The following TRIO variants were observed in gnomAD, a reference collection of about 807,000 sequenced individuals.
TRIO encodes the protein trio Rho guanine nucleotide exchange factor, also known as triple functional domain protein.
In TRIO, 58 loss-of-function variants were observed where a neutral mutation model predicts 351.9. That is an observed-to-expected ratio of 0.16 (90% CI 0.13 to 0.21). The LOEUF is 0.21. Ranked by LOEUF, TRIO falls within the 10% of genes least tolerant of loss-of-function variation. The probability of loss-of-function intolerance (pLI) is 1.00; values close to 1 mark genes in which losing one functional copy is unlikely to be tolerated. For missense variants in TRIO, 3,201 were observed against 4,027.8 expected, an observed-to-expected ratio of 0.79 and a Z score of 5.56; for synonymous variants, 1,758 against 1,595.7, an observed-to-expected ratio of 1.10 and a Z score of -2.42.
At chr5:14,358,096 A>C in intron 11 of TRIO, 82 bp from the exon 12 acceptor site, 1 of 1,495,006 alleles carries the variant, frequency 6.7e-7, no homozygotes, top group South Asian at 1.3e-5. Context: ...CACCGTCTCC[A>C]CTGGGGCCCC....
intron 53 of TRIO, among the ~76,000 whole-genome samples, chr5:14,500,888 C>CAAAAAA (rs34729667): frequency 1.6e-5 from 1 of 63,566 alleles, no homozygotes; most frequent in Non-Finnish European, 2.8e-5. Context: ...GACTCTGCCT[C>CAAAAAA]AAAAAAAAAA....
Position 14,270,858 on chromosome 5 carries a change from AT to A in TRIO, c.192del (p.Asp64GlufsTer6). Reference sequence around the variant, plus strand: ...AAAAACGATGAAATGAAAGCTATGGATGTTTTACCAATTTTGAAGGAAAAAG... The same window carrying A: ...AAAAACGATGAAATGAAAGCTATGGAGTTTTACCAATTTTGAAGGAAAAAG... ...FRKNDEMKAMDVLPILKEKVA... is the reference protein window; with the variant it reads ...FRKNDEMKAMXVLPILKEKVA... On this transcript the variant is annotated frameshift_variant, in exon 2 of 57. Transcript: ENST00000344204. LOFTEE classifies it high-confidence loss of function. 6.2e-7 allele frequency: 1 copy of A among 1,614,036 alleles called. No individual in the cohort carries two copies. Among genetic ancestry groups the A allele is most frequent in the Non-Finnish European group, 8.5e-7 (1 of 1,179,972 alleles).
Position 14,508,029 on chromosome 5 carries a change from C to T in TRIO, c.8901C>T (p.Asn2967=). 6.2e-7 allele frequency: 1 copy of T among 1,614,210 alleles called. No individual in the cohort carries two copies. Among genetic ancestry groups the T allele is most frequent in the Non-Finnish European group, 8.5e-7 (1 of 1,180,038 alleles). Reference sequence around the variant, plus strand: ...CAGCCCCTGAAATCATCCTCGGGAACCCTGTCTCCCTGACCTCGGATACGT... The same window carrying T: ...CAGCCCCTGAAATCATCCTCGGGAATCCTGTCTCCCTGACCTCGGATACGT... The part of the protein sequence containing the change: ...EFAAPEIILG[N]PVSLTSDTWS... The change falls in exon 57 of 57, where the codon AAC becomes AAT. Residue 2967 remains asparagine (N), a synonymous_variant. Coordinates refer to ENST00000344204, the MANE Select transcript of TRIO (RefSeq NM_007118.4).
intron 1 of TRIO, among the ~76,000 whole-genome samples, chr5:14,241,813 T>G (rs1328590178): frequency 1.3e-5 from 2 of 152,238 alleles, no homozygotes; most frequent in Non-Finnish European, 2.9e-5. Flanking sequence ...CCAGTTAGAT[T>G]AGCAGTACAG....
chr5:14,466,879 CTG>C (rs1450812486), intron 37 of TRIO, among the ~76,000 whole-genome samples: 2 of 152,210 alleles, frequency 1.3e-5, no homozygotes, highest in African/African-American at 4.8e-5. Context: ...TATTTAATAA[CTG>C]TATAGTATTC....
At chr5:14,484,323 GAAGTAAGTAAGGATAA>G (rs1755760231) in intron 46 of TRIO, among the ~76,000 whole-genome samples, 1 of 152,166 alleles carries the variant, frequency 6.6e-6, no homozygotes, top group East Asian at 1.9e-4. Flanking sequence ...TACTCCCTGG[GAAGTAAGTAAGGATAA>G]ATACTGAGGC....
chr5:14,473,961 T>G (rs1261018039), intron 39 of TRIO, 33 bp from the exon 40 acceptor site: 5 of 1,588,584 alleles, frequency 3.1e-6, no homozygotes, highest in Admixed American at 1.7e-5. Context: ...ACATATTCCA[T>G]GAAATACACT....
At chr5:14,272,654 G>A (rs1000282738) in intron 2 of TRIO, among the ~76,000 whole-genome samples, 1 of 152,126 alleles carries the variant, frequency 6.6e-6, no homozygotes, top group African/African-American at 2.4e-5. Context: ...AGTAGGAACT[G>A]TTTAAGATAT....
At chr5:14,386,324 G>C (rs370258029) in intron 21 of TRIO, among the ~76,000 whole-genome samples, 8 of 152,142 alleles carry the variant, frequency 5.3e-5, no homozygotes, top group African/African-American at 1.9e-4. Context: ...GGGTGCTGTT[G>C]GGTGGCTAGG....
chr5:14,420,486 C>A (rs1274700670), intron 34 of TRIO: 2 of 154,082 alleles, frequency 1.3e-5, no homozygotes, highest in Non-Finnish European at 2.9e-5. Flanking sequence ...TTTCTCAGGA[C>A]CTAAATGTGA....
rs536607122 is a variant in TRIO at position 14,221,695 on chromosome 5, A to C, written c.158-49130A>C. ...CCTGAAGATGGGACTGAATTACTGC[A>C]GTCTCGTGATTAAACTCCTCAGGGA... On this transcript the variant is annotated intron_variant, in intron 1 of 56. Transcript: ENST00000344204. Among the ~76,000 whole-genome samples, 35 of 152,368 alleles carry C rather than the reference A, an allele frequency of 2.3e-4. No homozygotes were observed. The South Asian group carries it at 7.0e-3, about 31-fold the overall frequency.
rs1482901881 is a variant in TRIO at position 14,487,659 on chromosome 5, C to G, written c.7031C>G (p.Pro2344Arg). 9.6e-6 allele frequency: 13 copies of G among 1,351,294 alleles called. No individual in the cohort carries two copies. In the South Asian group the frequency reaches 1.8e-4, roughly 18 times the overall value. 83.7% of individuals were successfully genotyped at this position (1,351,294 alleles called of 1,614,324 possible). Residue 2344 changes from proline (P) to arginine (R), a missense_variant, in exon 48 of 57, where the codon CCT (proline) becomes CGT (arginine). Pro to Arg is a moderately radical substitution (Grantham distance 103). This residue lies in a region of TRIO where 1,089 missense variants were observed against 954.9 expected (regional missense o/e 1.14). Coordinates refer to ENST00000344204, the MANE Select transcript of TRIO (RefSeq NM_007118.4). ...AGCCGGCCCTCCCGGATCCCCCAGCCTGTCCGACACCACCCCCCCGTGCTG... is the reference window on the plus strand; with the variant it reads ...AGCCGGCCCTCCCGGATCCCCCAGCGTGTCCGACACCACCCCCCCGTGCTG... ...SRSRPSRIPQ[P>R]VRHHPPVLVS...
At chr5:14,284,961 T>C (rs1736313932) in intron 3 of TRIO, among the ~76,000 whole-genome samples, 1 of 152,146 alleles carries the variant, frequency 6.6e-6, no homozygotes, top group South Asian at 2.1e-4. Context: ...TCCAGGGCCC[T>C]GGAGTTTCTG....
intron 4 of TRIO, among the ~76,000 whole-genome samples, chr5:14,290,407 T>C (rs1451988110): frequency 6.6e-6 from 1 of 152,230 alleles, no homozygotes; most frequent in African/African-American, 2.4e-5. Context: ...GTGTCTGTTA[T>C]AGTGGGTTAA....
At chr5:14,214,258 C>A (rs947205656) in intron 1 of TRIO, among the ~76,000 whole-genome samples, 1 of 152,138 alleles carries the variant, frequency 6.6e-6, no homozygotes, top group East Asian at 1.9e-4. Flanking sequence ...ATCCATAAGC[C>A]GTGGTGTTCA....
chr5:14,351,614 A>G (rs564944942), intron 11 of TRIO, among the ~76,000 whole-genome samples: 2 of 152,362 alleles, frequency 1.3e-5, no homozygotes, highest in South Asian at 4.1e-4. Flanking sequence ...CCGGCTTCCC[A>G]GTTAGAGAAG....
rs1463405330 is a variant in TRIO at position 14,412,012 on chromosome 5, G to T, written c.4959+5340G>T. Among the ~76,000 whole-genome samples, 63 of 148,756 alleles carry T rather than the reference G, an allele frequency of 4.2e-4. 1 individual carries two copies. Among genetic ancestry groups the T allele is most frequent in the African/African-American group, 1.5e-3 (60 of 40,152 alleles). ...CTTTCTTTTTTTTTTTTTTGAGATG[G>T]AGTCTTGCTCTGTCTCCCAGGCTGG... is the stretch of plus-strand genomic sequence containing the variant. On this transcript the variant is annotated intron_variant, in intron 33 of 56. Transcript: ENST00000344204.
At chr5:14,332,767 C>T (rs1444537255) in intron 10 of TRIO, among the ~76,000 whole-genome samples, 1 of 152,140 alleles carries the variant, frequency 6.6e-6, no homozygotes, top group Non-Finnish European at 1.5e-5. Context: ...TCTCTCGGAG[C>T]CTCGGTTTTC....
chr5:14,182,136 G>A (rs985751742), intron 1 of TRIO, among the ~76,000 whole-genome samples: 3 of 151,062 alleles, frequency 2.0e-5, no homozygotes, highest in Non-Finnish European at 4.4e-5. Context: ...CAGTAATGAC[G>A]TCTCTGAGCT....
Sources: gnomAD v4.1 joint callset for allele counts (sites outside exome capture counted in the v4.1 genomes callset) on GRCh38, gnomAD v4.1.1 for gene constraint, gnomAD v4.1.1 regional missense constraint, MANE v1.5 for transcripts, NCBI Gene and HGNC (gene_info 2026-07-23, HGNC 2026-07-21) for gene names.